The following SLC24A3 variants were observed in gnomAD, a reference collection of about 807,000 sequenced individuals.
SLC24A3 encodes sodium/potassium/calcium exchanger 3.
A neutral mutation model predicts 75.8 loss-of-function variants in SLC24A3; 28 were observed. That is an observed-to-expected ratio of 0.37 (90% CI 0.27 to 0.51). The LOEUF (loss-of-function observed/expected upper bound fraction) is 0.51. Ranked by LOEUF, SLC24A3 falls within the 20% of genes least tolerant of loss-of-function variation. SLC24A3 has a pLI of 0.94. For synonymous variants in SLC24A3, 372 were observed against 334.1 expected, an observed-to-expected ratio of 1.11 and a Z score of -1.24; for missense variants, 663 against 847.8, an observed-to-expected ratio of 0.78 and a Z score of 2.71.
intron 15 of SLC24A3, among the ~76,000 whole-genome samples, chr20:19,703,108 G>A (rs1277370124): frequency 6.6e-6 from 1 of 152,206 alleles, no homozygotes; most frequent in Non-Finnish European, 1.5e-5. Flanking sequence ...CTAGTGGCAT[G>A]CTTTAATATT....
At chr20:19,619,476 A>G (rs1191659447) in intron 6 of SLC24A3, among the ~76,000 whole-genome samples, 2 of 152,330 alleles carry the variant, frequency 1.3e-5, no homozygotes, top group South Asian at 2.1e-4. Flanking sequence ...ATCGATGCCA[A>G]CTAGAGCAGA....
chr20:19,528,509 T>C (rs1346228506), intron 3 of SLC24A3, among the ~76,000 whole-genome samples: 1 of 152,138 alleles, frequency 6.6e-6, no homozygotes, highest in Non-Finnish European at 1.5e-5. Context: ...GCCAAGCACA[T>C]AGGAAAATCA....
chr20:19,236,328 A>G, intron 1 of SLC24A3, among the ~76,000 whole-genome samples: 1 of 152,198 alleles, frequency 6.6e-6, no homozygotes, highest in East Asian at 1.9e-4. Context: ...TAATTCCACA[A>G]GACAGCTCAG....
chr20:19,508,838 G>A (rs6112429), intron 2 of SLC24A3, among the ~76,000 whole-genome samples: 1 of 152,252 alleles, frequency 6.6e-6, no homozygotes, highest in South Asian at 2.1e-4. Context: ...GGTAGCTGCT[G>A]TTAACAGGCC....
intron 2 of SLC24A3, among the ~76,000 whole-genome samples, chr20:19,316,265 G>C (rs898693480): frequency 1.3e-5 from 2 of 152,214 alleles, no homozygotes; most frequent in African/African-American, 2.4e-5. Flanking sequence ...TAGTTAAGTG[G>C]GGGTTTGAGC....
At chr20:19,679,108 G>A (rs1008851475) in intron 9 of SLC24A3, among the ~76,000 whole-genome samples, 130 of 152,066 alleles carry the variant, frequency 8.5e-4, no homozygotes, top group Non-Finnish European at 1.7e-3. Flanking sequence ...GGTGGCGGCC[G>A]GGCAGAGGCT....
At chr20:19,431,371 G>T (rs1417592019) in intron 2 of SLC24A3, among the ~76,000 whole-genome samples, 2 of 152,124 alleles carry the variant, frequency 1.3e-5, no homozygotes, top group South Asian at 4.1e-4. Context: ...GGGAAGCAAG[G>T]TTGTGTGAAA....
rs749566629 is a variant in SLC24A3, at chr20:19,721,145, C to T, written c.*5C>T. On this transcript the variant is annotated 3_prime_UTR_variant, in exon 17 of 17. Transcript: ENST00000328041. ...CCCATGTGCGGGGACCACTGAGCCGCCGGGTGCCCACAGAGGCTCAGCTCC... is the reference window on the plus strand; with the variant it reads ...CCCATGTGCGGGGACCACTGAGCCGTCGGGTGCCCACAGAGGCTCAGCTCC... 1 of 1,613,974 alleles carries T rather than the reference C, an allele frequency of 6.2e-7. No individual in the cohort carries two copies. Among genetic ancestry groups the T allele is most frequent in the East Asian group, 2.2e-5 (1 of 44,868 alleles).
chr20:19,300,879 G>T (rs1236024245), intron 2 of SLC24A3, among the ~76,000 whole-genome samples: 2 of 152,126 alleles, frequency 1.3e-5, no homozygotes, highest in African/African-American at 4.8e-5. Context: ...TGCGAGAAGT[G>T]GGGGTGGCAG....
intron 2 of SLC24A3, among the ~76,000 whole-genome samples, chr20:19,482,996 A>T (rs1461219437): frequency 2.0e-5 from 3 of 152,250 alleles, no homozygotes; most frequent in East Asian, 3.8e-4. Flanking sequence ...CTTTCAGCAC[A>T]TGATGTAGTC....
intron 6 of SLC24A3, among the ~76,000 whole-genome samples, chr20:19,586,653 A>G (rs994142994): frequency 2.0e-5 from 3 of 152,084 alleles, no homozygotes; most frequent in Admixed American, 1.3e-4. Flanking sequence ...TGCATTCTCC[A>G]CTGCCCATTT....
chr20:19,609,489 G>A (rs2122661651), intron 6 of SLC24A3, among the ~76,000 whole-genome samples: 1 of 152,166 alleles, frequency 6.6e-6, no homozygotes, highest in East Asian at 1.9e-4. Context: ...TACCATGGTG[G>A]TTTGCTGCTA....
At chr20:19,564,098 A>G (rs2030919174) in intron 3 of SLC24A3, among the ~76,000 whole-genome samples, 1 of 152,210 alleles carries the variant, frequency 6.6e-6, no homozygotes, top group Non-Finnish European at 1.5e-5. Flanking sequence ...AGATCCCAGT[A>G]TTGGCAAACA....
At chr20:19,631,447 AT>A (rs929176800) in intron 6 of SLC24A3, among the ~76,000 whole-genome samples, 54 of 151,796 alleles carry the variant, frequency 3.6e-4, no homozygotes, top group Non-Finnish European at 5.9e-4. Context: ...ATCAACTTTT[AT>A]TTTTTTTTAA....
chr20:19,542,450 T>G (rs994237636), intron 3 of SLC24A3, among the ~76,000 whole-genome samples: 16 of 152,138 alleles, frequency 1.1e-4, no homozygotes, highest in Admixed American at 9.2e-4. Flanking sequence ...ATCACCTGTG[T>G]TTTGTTTTTG....
At chr20:19,615,428 A>T (rs1258796685) in intron 6 of SLC24A3, among the ~76,000 whole-genome samples, 1 of 152,170 alleles carries the variant, frequency 6.6e-6, no homozygotes, top group Non-Finnish European at 1.5e-5. Flanking sequence ...TAATGCTGGC[A>T]TCTGTTCTGT....
chr20:19,531,516 T>C (rs2030298605), intron 3 of SLC24A3, among the ~76,000 whole-genome samples: 1 of 152,214 alleles, frequency 6.6e-6, no homozygotes, highest in Admixed American at 6.5e-5. Context: ...AGAGTGTGGA[T>C]TAACATCCAT....
chr20:19,686,622 G>A (rs541813243), intron 12 of SLC24A3, among the ~76,000 whole-genome samples: 2 of 152,322 alleles, frequency 1.3e-5, no homozygotes, highest in Admixed American at 1.3e-4. Context: ...GATAGGACAT[G>A]GTGCCGAGTG....
At chr20:19,544,820 A>G (rs2030560939) in intron 3 of SLC24A3, among the ~76,000 whole-genome samples, 1 of 152,202 alleles carries the variant, frequency 6.6e-6, no homozygotes, top group South Asian at 2.1e-4. Context: ...GGGAGCGGAC[A>G]GGAACCCAAG....
Sources: allele counts gnomAD v4.1 joint callset (sites outside exome capture counted in the v4.1 genomes callset), GRCh38; gene constraint gnomAD v4.1.1; transcripts MANE v1.5; gene names NCBI Gene and HGNC (gene_info 2026-07-23, HGNC 2026-07-21).